CFAP47: variants seen among roughly 807,000 people sequenced by gnomAD.
The protein encoded by CFAP47 is cilia- and flagella-associated protein 47.
A neutral mutation model predicts 148.1 loss-of-function variants in CFAP47; 29 were observed. That is an observed-to-expected ratio of 0.20 (90% CI 0.15 to 0.27). CFAP47 has a LOEUF of 0.27. Among genes scored for constraint, CFAP47 ranks in the 10% least tolerant of loss-of-function variants. CFAP47 has a pLI of 1.00. For synonymous variants in CFAP47, 664 were observed against 577.3 expected (o/e 1.15, Z -2.15); for missense variants, 1,872 against 1,697.5 (o/e 1.10, Z -1.81).
chrX:36,206,799 A>G (rs898647397), intron 45 of CFAP47, among the ~76,000 whole-genome samples: 1 of 111,940 alleles, frequency 8.9e-6, no homozygotes, highest in African/African-American at 3.2e-5. Context: ...TTAATTATCC[A>G]TTTTGGTAAG....
chrX:36,236,989 G>A (rs1940476546), intron 48 of CFAP47, 130 bp downstream of exon 48: 2 of 397,803 alleles, frequency 5.0e-6, no homozygotes, highest in Non-Finnish European at 4.4e-6. Flanking sequence ...CACATAAGAT[G>A]TCTACAATCC....
At chrX:36,275,458 T>G (rs1283564072) in intron 49 of CFAP47, among the ~76,000 whole-genome samples, 8 of 95,344 alleles carry the variant, frequency 8.4e-5, no homozygotes, top group Non-Finnish European at 1.4e-4. Context: ...GTGTGTGTGT[T>G]TTCCTACATT....
At chrX:36,166,766 A>AT (rs1569277833) in intron 39 of CFAP47, among the ~76,000 whole-genome samples, 1 of 110,968 alleles carries the variant, frequency 9.0e-6, no homozygotes, top group African/African-American at 3.3e-5. Context: ...TGCACTTCTA[A>AT]TTTTTTTACT....
In CFAP47 at chrX:35,921,673, G is replaced by A. The variant is rs1935579388; in HGVS notation, c.249+1625G>A. ...ACAAGAGAACATCTAGATATGCTTA[G>A]TAGTTAGAAGCCAATATCAGTGTGA... On this transcript the variant is annotated intron_variant, in intron 1 of 63. Transcript: ENST00000378653. Among the ~76,000 whole-genome samples the A allele has an allele frequency of 1.8e-5, 2 of 111,767 alleles. 1 individual carries two copies. Among genetic ancestry groups the A allele is most frequent in the African/African-American group, 6.5e-5 (2 of 30,716 alleles).
intron 40 of CFAP47, among the ~76,000 whole-genome samples, chrX:36,183,518 C>A (rs1939773882): frequency 9.0e-6 from 1 of 111,703 alleles, no homozygotes; most frequent in African/African-American, 3.3e-5. Context: ...CAGCTAATAT[C>A]TCTCCAAATA....
intron 41 of CFAP47, among the ~76,000 whole-genome samples, chrX:36,188,922 C>A (rs2146874232): frequency 9.0e-6 from 1 of 111,117 alleles, no homozygotes; most frequent in African/African-American, 3.3e-5. Context: ...TACTTCCCTC[C>A]AATGTACAAA....
At chrX:35,977,736 G>C (rs1936590394) in intron 15 of CFAP47, among the ~76,000 whole-genome samples, 1 of 111,927 alleles carries the variant, frequency 8.9e-6, no homozygotes. Context: ...TTCCAAATCA[G>C]TATTTTACAT....
intron 45 of CFAP47, chrX:36,211,415 CT>C: frequency 1.7e-5 from 4 of 238,991 alleles, no homozygotes; most frequent in South Asian, 6.1e-5. Flanking sequence ...CTCCTTCGGC[CT>C]TTTTTCTGTT....
chrX:36,212,335 GA>G (rs1940111436), intron 45 of CFAP47, among the ~76,000 whole-genome samples: 1 of 111,678 alleles, frequency 9.0e-6, no homozygotes, highest in Non-Finnish European at 1.9e-5. Flanking sequence ...CAGAAAGTGT[GA>G]GTCCTTCAAT....
Position 36,348,321 on chromosome X carries a change from AATTTT to A in CFAP47, c.8603+39_8603+43del, listed in dbSNP as rs1241101964. 2.2e-5 allele frequency: 19 copies of A among 867,744 alleles called. No homozygotes were observed. In the African/African-American group the frequency reaches 4.1e-4, roughly 19 times the overall value. The allele number at this position is 867,744 out of a possible 1,213,427, so 71.5% of individuals were successfully genotyped here. A position where few individuals can be genotyped will look rare whatever the true frequency, so the allele number is the denominator to read the frequency against. ...TTAAATAAAGACATTGAAGGAAAAT[AATTTT>A]ATTTTGACAGCCACTGACATGCTAG... On this transcript the variant is annotated intron_variant, in intron 58 of 63. Transcript: ENST00000378653.
At chrX:36,045,054 C>A (rs1193602087) in intron 25 of CFAP47, among the ~76,000 whole-genome samples, 1 of 111,541 alleles carries the variant, frequency 9.0e-6, no homozygotes, top group East Asian at 2.8e-4. Flanking sequence ...ACTTGGATGC[C>A]CTTTATATCT....
intron 15 of CFAP47, among the ~76,000 whole-genome samples, chrX:35,977,618 A>G (rs928483599): frequency 4.5e-5 from 5 of 110,491 alleles, no homozygotes; most frequent in Non-Finnish European, 9.5e-5. Flanking sequence ...ATTTAGCAAC[A>G]GTAATTATTT....
intron 29 of CFAP47, among the ~76,000 whole-genome samples, chrX:36,079,802 G>A (rs1012494242): frequency 2.3e-4 from 26 of 111,750 alleles, no homozygotes; most frequent in African/African-American, 7.5e-4. Context: ...AGACTTAAAT[G>A]TTAGACCTAA....
At position 36,070,685 on chromosome X, in the gene CFAP47, T is replaced by A. The variant is rs1259996574; in HGVS notation, c.4319-1140T>A. On this transcript the variant is annotated intron_variant, in intron 27 of 63. Transcript: ENST00000378653. ...TTTTGTATTTTTACTAGAGATGGGGTTTCACCATGTTGGCCAGGCTGGTCT... is the reference window on the plus strand; with the variant it reads ...TTTTGTATTTTTACTAGAGATGGGGATTCACCATGTTGGCCAGGCTGGTCT... 5.5e-5 allele frequency among the ~76,000 whole-genome samples: 6 copies of A among 110,063 alleles called. No homozygotes were observed. In the East Asian group the frequency reaches 1.7e-3, roughly 32 times the overall value.
At chrX:36,342,684 A>G (rs782777304) in intron 57 of CFAP47, among the ~76,000 whole-genome samples, 12 of 112,386 alleles carry the variant, frequency 1.1e-4, no homozygotes, top group African/African-American at 3.2e-4. Flanking sequence ...TCTTCACTTC[A>G]TACATGTGTA....
intron 57 of CFAP47, among the ~76,000 whole-genome samples, chrX:36,341,068 G>A (rs7051890): frequency 1.5e-4 from 14 of 93,822 alleles, no homozygotes; most frequent in Non-Finnish European, 2.3e-4. Flanking sequence ...GCAAAGTCTC[G>A]TCCTGTCACC....
chrX:36,063,780 G>A (rs1392183472), intron 26 of CFAP47, among the ~76,000 whole-genome samples: 2 of 111,961 alleles, frequency 1.8e-5, no homozygotes, highest in African/African-American at 6.5e-5. Context: ...CAAAAAACAA[G>A]TAATGGGGTA....
chrX:36,080,203 G>T (rs1462168114), intron 29 of CFAP47, among the ~76,000 whole-genome samples: 1 of 112,061 alleles, frequency 8.9e-6, no homozygotes, highest in African/African-American at 3.2e-5. Context: ...CTGGTCATCA[G>T]AGAAATGCAA....
intron 57 of CFAP47, among the ~76,000 whole-genome samples, chrX:36,337,904 T>C (rs1461403742): frequency 3.1e-5 from 3 of 96,299 alleles, no homozygotes; most frequent in Non-Finnish European, 4.1e-5. Flanking sequence ...TCTCGCTCTG[T>C]CGCCCAGGCT....
Sources: gnomAD v4.1 joint callset for allele counts (sites outside exome capture counted in the v4.1 genomes callset) on GRCh38, gnomAD v4.1.1 for gene constraint, MANE v1.5 for transcripts, NCBI Gene and HGNC (gene_info 2026-07-23, HGNC 2026-07-21) for gene names.